MEI4: variants seen among roughly 807,000 people sequenced by gnomAD.
The protein encoded by MEI4 is meiotic double-stranded break formation protein 4, also known as meiosis-specific protein MEI4.
Under a neutral mutation model 31.4 loss-of-function variants are expected in MEI4, and 27 were observed. The observed-to-expected ratio is 0.86, with a 90% confidence interval of 0.63 to 1.19. The LOEUF is 1.19. Ranked by LOEUF, MEI4 falls within the 50% of genes most tolerant of loss-of-function variation. The pLI is 0.00. For synonymous variants in MEI4, 122 were observed against 145.4 expected, an observed-to-expected ratio of 0.84 and a Z score of 1.16; for missense variants, 329 against 398.9, an observed-to-expected ratio of 0.82 and a Z score of 1.49.
intron 3 of MEI4, among the ~76,000 whole-genome samples, chr6:77,767,338 C>A (rs151105401): frequency 2.0e-5 from 3 of 151,614 alleles, no homozygotes; most frequent in African/African-American, 7.3e-5. Flanking sequence ...CAAGACTGCA[C>A]CACTGCACTC....
intron 4 of MEI4, among the ~76,000 whole-genome samples, chr6:77,871,224 A>G (rs559866549): frequency 1.3e-5 from 2 of 152,294 alleles, no homozygotes; most frequent in East Asian, 3.9e-4. Context: ...TTTCAGGACC[A>G]TAGAGCAAGT....
At chr6:77,740,969 A>T (rs542547260) in intron 2 of MEI4, among the ~76,000 whole-genome samples, 3 of 152,264 alleles carry the variant, frequency 2.0e-5, no homozygotes, top group Admixed American at 1.3e-4. Context: ...CAGGTTAATG[A>T]GTACAGTAAT....
At chr6:77,714,236 TTA>T (rs753951323) in intron 2 of MEI4, among the ~76,000 whole-genome samples, 2 of 61,358 alleles carry the variant, frequency 3.3e-5, no homozygotes, top group Non-Finnish European at 4.9e-5. Context: ...ACTTAAAAAT[TTA>T]AAAAAAAAAC....
Position 77,801,083 on chromosome 6 carries a change from G to A in MEI4, c.769-27848G>A, listed in dbSNP as rs957883807. On this transcript the variant is annotated intron_variant, in intron 3 of 4. Transcript: ENST00000684080. Reference sequence around the variant, plus strand: ...GAAGGAATGGTACCAGCTCCTCCTTGTACCTCTGGTAGAATTCGGCTGTGA... The same window carrying A: ...GAAGGAATGGTACCAGCTCCTCCTTATACCTCTGGTAGAATTCGGCTGTGA... 1.1e-4 allele frequency among the ~76,000 whole-genome samples: 17 copies of A among 152,284 alleles called. No individual in the cohort carries two copies. The East Asian group carries it at 1.5e-3, about 14-fold the overall frequency.
At chr6:77,748,484 A>C (rs1289967575) in intron 2 of MEI4, among the ~76,000 whole-genome samples, 1 of 152,180 alleles carries the variant, frequency 6.6e-6, no homozygotes, top group Non-Finnish European at 1.5e-5. Flanking sequence ...GATACAGGGC[A>C]CCAAGTCCCT....
chr6:77,890,107 G>A (rs1179623732), intron 4 of MEI4, among the ~76,000 whole-genome samples: 1 of 152,224 alleles, frequency 6.6e-6, no homozygotes, highest in Admixed American at 6.5e-5. Flanking sequence ...AGTCTCCACT[G>A]GGGCACTACC....
chr6:77,905,680 T>C (rs1369934486), intron 4 of MEI4, among the ~76,000 whole-genome samples: 2 of 151,522 alleles, frequency 1.3e-5, no homozygotes, highest in Non-Finnish European at 2.9e-5. Flanking sequence ...GTATGTTTAG[T>C]AGAGATTGGG....
intron 2 of MEI4, among the ~76,000 whole-genome samples, chr6:77,746,395 A>T (rs891942266): frequency 2.0e-5 from 3 of 152,148 alleles, no homozygotes; most frequent in Non-Finnish European, 2.9e-5. Context: ...GAAACAAAAA[A>T]GTTAACCCTT....
rs1479663131 is a variant in MEI4, at chr6:77,923,618, A to T, written c.*272A>T. The T allele has an allele frequency of 4.7e-6, 1 of 213,574 alleles. No homozygotes were observed. The allele number at this position is 213,574 out of a possible 1,614,324, so 13.2% of individuals were successfully genotyped here. A position where few individuals can be genotyped will look rare whatever the true frequency, so the allele number is the denominator to read the frequency against. ...TCACTCAATATAGTTTAGCTCTATT[A>T]TTCTGTAAAATGGACCATTAATTGT... On this transcript the variant is annotated 3_prime_UTR_variant, in exon 5 of 5. Coordinates refer to ENST00000684080, the MANE Select transcript of MEI4 (RefSeq NM_001322247.2).
chr6:77,798,723 A>G (rs899136947), intron 3 of MEI4, among the ~76,000 whole-genome samples: 2 of 142,526 alleles, frequency 1.4e-5, no homozygotes, highest in Admixed American at 7.7e-5. Context: ...GTTCCCACCT[A>G]TGAGTGAGAA....
chr6:77,678,809 C>A (rs1443329183), intron 1 of MEI4, among the ~76,000 whole-genome samples: 1 of 152,150 alleles, frequency 6.6e-6, no homozygotes, highest in Non-Finnish European at 1.5e-5. Context: ...CAGGTCCATG[C>A]ATTTTATTGC....
intron 3 of MEI4, among the ~76,000 whole-genome samples, chr6:77,769,599 A>G (rs1257909762): frequency 6.6e-6 from 1 of 151,996 alleles, no homozygotes; most frequent in East Asian, 1.9e-4. Flanking sequence ...GACCCCTTCC[A>G]TCTGCTTGAG....
rs1467697373 is a variant in MEI4 at position 77,914,592 on chromosome 6, T to C, written c.901-8497T>C. 2.0e-5 allele frequency among the ~76,000 whole-genome samples: 3 copies of C among 152,120 alleles called. No homozygotes were observed. In the South Asian group the frequency reaches 6.2e-4, roughly 31 times the overall value. On this transcript the variant is annotated intron_variant, in intron 4 of 4. Coordinates refer to ENST00000684080, the MANE Select transcript of MEI4 (RefSeq NM_001322247.2). ...GTTCTGTAAGTGTCTGTTAGGTCCA[T>C]TTGGTCTATGTTCAGTTTAAATCCA...
intron 2 of MEI4, among the ~76,000 whole-genome samples, chr6:77,741,046 G>C (rs1311955970): frequency 2.0e-5 from 3 of 152,160 alleles, no homozygotes; most frequent in Non-Finnish European, 2.9e-5. Context: ...GAGAGAGCAG[G>C]GATGGTTTCA....
chr6:77,885,479 A>G (rs1771596616), intron 4 of MEI4, among the ~76,000 whole-genome samples: 1 of 152,084 alleles, frequency 6.6e-6, no homozygotes, highest in South Asian at 2.1e-4. Context: ...GGTATGAGCT[A>G]TTGCATCTGG....
At chr6:77,788,485 A>G (rs1200885117) in intron 3 of MEI4, among the ~76,000 whole-genome samples, 2 of 152,216 alleles carry the variant, frequency 1.3e-5, no homozygotes, top group Non-Finnish European at 2.9e-5. Flanking sequence ...AGATTACTTG[A>G]TTGTATATCT....
At chr6:77,692,930 T>C (rs1210490958) in intron 2 of MEI4, among the ~76,000 whole-genome samples, 1 of 152,130 alleles carries the variant, frequency 6.6e-6, no homozygotes, top group African/African-American at 2.4e-5. Context: ...GTGAAGTTAC[T>C]GCTGTAGATG....
intron 3 of MEI4, among the ~76,000 whole-genome samples, chr6:77,827,016 T>TC (rs1282825563): frequency 6.6e-6 from 1 of 152,088 alleles, no homozygotes; most frequent in African/African-American, 2.4e-5. Context: ...CAGGAATCAT[T>TC]CCCCAAACCA....
At chr6:77,883,744 A>ATATATATATATATATATATATATATAT (rs1491236242) in intron 4 of MEI4, among the ~76,000 whole-genome samples, 8 of 124,972 alleles carry the variant, frequency 6.4e-5, no homozygotes, top group Non-Finnish European at 1.1e-4. Context: ...ATATATATAT[A>ATATATATATATATATATATATATATAT]ACTTTGTCTT....
Sources: allele counts gnomAD v4.1 joint callset (sites outside exome capture counted in the v4.1 genomes callset), GRCh38; gene constraint gnomAD v4.1.1; transcripts MANE v1.5; gene names NCBI Gene and HGNC (gene_info 2026-07-23, HGNC 2026-07-21).